Variants in SDHC observed in about 807,000 individuals in gnomAD.
SDHC encodes succinate dehydrogenase cytochrome b560 subunit, mitochondrial.
Under a neutral mutation model 22.6 loss-of-function variants are expected in SDHC, and 11 were observed. The observed-to-expected ratio is 0.49, with a 90% CI of 0.31 to 0.81. The LOEUF (loss-of-function observed/expected upper bound fraction) is 0.81, where lower values mean the gene tolerates loss of function less well. SDHC is among the 30% of genes least tolerant of loss of function. SDHC has a pLI of 0.05. For missense variants in SDHC, 160 were observed against 212.0 expected, an observed-to-expected ratio of 0.75 and a Z score of 1.52; for synonymous variants, 80 against 77.8, an observed-to-expected ratio of 1.03 and a Z score of -0.15.
At chr1:161,339,100 A>G (rs1003640241) in intron 3 of SDHC, among the ~76,000 whole-genome samples, 3 of 152,140 alleles carry the variant, frequency 2.0e-5, no homozygotes, top group Non-Finnish European at 2.9e-5. Context: ...CACCCGCCTC[A>G]GCCTCTTAAA....
At chr1:161,329,810 C>A (rs150383971) in intron 3 of SDHC, among the ~76,000 whole-genome samples, 11 of 152,316 alleles carry the variant, frequency 7.2e-5, no homozygotes, top group Admixed American at 7.2e-4. Context: ...CCTTTTCCAA[C>A]TTTTATAGGC....
intron 3 of SDHC, among the ~76,000 whole-genome samples, chr1:161,331,423 C>T (rs549840240): frequency 4.0e-5 from 6 of 151,794 alleles, no homozygotes; most frequent in South Asian, 4.2e-4. Flanking sequence ...CATGTCACCA[C>T]GCCCAGCTAA....
Position 161,363,161 on chromosome 1 carries a change from C to G in SDHC, c.*728C>G, listed in dbSNP as rs1008852378. 6.4e-5 allele frequency: 15 copies of G among 233,074 alleles called. No homozygotes were observed. The highest frequency in any genetic ancestry group is 1.2e-4 in the Non-Finnish European group (14 of 118,226). 14.4% of individuals were successfully genotyped at this position (233,074 alleles called of 1,614,324 possible). A position where few individuals can be genotyped will look rare whatever the true frequency, so the allele number is the denominator to read the frequency against. Reference sequence around the variant, plus strand: ...CATCGAAGTAATGTACCCTTTTTTTCTGAAACTGAATTAAATACTCATTTT... The same window carrying G: ...CATCGAAGTAATGTACCCTTTTTTTGTGAAACTGAATTAAATACTCATTTT... On this transcript the variant is annotated 3_prime_UTR_variant, in exon 6 of 6. Coordinates refer to ENST00000367975, the MANE Select transcript of SDHC (RefSeq NM_003001.5).
At chr1:161,338,718 A>G (rs1671588006) in intron 3 of SDHC, among the ~76,000 whole-genome samples, 2 of 152,360 alleles carry the variant, frequency 1.3e-5, no homozygotes, top group South Asian at 4.1e-4. Flanking sequence ...TTTGGGGCAT[A>G]TAATAAGGGA....
chr1:161,322,542 C>G (rs1670873261), intron 1 of SDHC, among the ~76,000 whole-genome samples: 1 of 151,290 alleles, frequency 6.6e-6, no homozygotes, highest in Non-Finnish European at 1.5e-5. Flanking sequence ...CCCTTGTACT[C>G]TTAAACCTTT....
At chr1:161,323,411 C>T (rs778741105) in intron 1 of SDHC, among the ~76,000 whole-genome samples, 1 of 152,186 alleles carries the variant, frequency 6.6e-6, no homozygotes, top group Non-Finnish European at 1.5e-5. Context: ...CTCTATTTTG[C>T]ATTTTTAGGT....
At chr1:161,339,262 A>G (rs1671613843) in intron 3 of SDHC, among the ~76,000 whole-genome samples, 1 of 152,008 alleles carries the variant, frequency 6.6e-6, no homozygotes. Flanking sequence ...AGCTCACTGC[A>G]GTCTGGAGTT....
At chr1:161,316,194 C>G (rs901003106) in intron 1 of SDHC, among the ~76,000 whole-genome samples, 4 of 152,042 alleles carry the variant, frequency 2.6e-5, no homozygotes, top group African/African-American at 9.7e-5. Flanking sequence ...AAGAGGCGTT[C>G]CTTCCTCTTT....
chr1:161,344,377 T>C (rs1671824229), intron 4 of SDHC, among the ~76,000 whole-genome samples: 1 of 151,502 alleles, frequency 6.6e-6, no homozygotes, highest in South Asian at 2.1e-4. Flanking sequence ...TAGGGAGGAT[T>C]GCCCAGGAAT....
intron 4 of SDHC, 59 bp downstream of exon 4, chr1:161,340,714 A>T: frequency 1.5e-6 from 2 of 1,369,322 alleles, no homozygotes; most frequent in Non-Finnish European, 2.1e-6. Flanking sequence ...TGGCTGTTTC[A>T]TTGGCCCTAG....
At chr1:161,347,356 GAA>G (rs1215123686) in intron 4 of SDHC, among the ~76,000 whole-genome samples, 2 of 152,040 alleles carry the variant, frequency 1.3e-5, no homozygotes, top group African/African-American at 4.8e-5. Context: ...CCAGGTTAGA[GAA>G]ATTTTCTTCC....
intron 5 of SDHC, among the ~76,000 whole-genome samples, chr1:161,361,188 C>A (rs1672495609): frequency 6.6e-6 from 1 of 151,846 alleles, no homozygotes. Context: ...TATAATGAGA[C>A]CCCGTTCTCC....
chr1:161,353,476 A>G (rs185917908), intron 4 of SDHC, among the ~76,000 whole-genome samples: 47 of 152,304 alleles, frequency 3.1e-4, no homozygotes, highest in African/African-American at 1.1e-3. Flanking sequence ...TCATCTATCC[A>G]GAGTGTCAAA....
chr1:161,335,135 G>A (rs964738159), intron 3 of SDHC, among the ~76,000 whole-genome samples: 1 of 152,104 alleles, frequency 6.6e-6, no homozygotes, highest in South Asian at 2.1e-4. Context: ...ATTTGGGTTT[G>A]TTTGGTGTTT....
chr1:161,332,365 G>A (rs149627006), intron 3 of SDHC, among the ~76,000 whole-genome samples: 1 of 152,274 alleles, frequency 6.6e-6, no homozygotes, highest in Admixed American at 6.5e-5. Flanking sequence ...TGCCACTTCA[G>A]TAGATTCTGC....
chr1:161,359,742 C>T (rs1205222684), intron 5 of SDHC, among the ~76,000 whole-genome samples: 1 of 152,008 alleles, frequency 6.6e-6, no homozygotes, highest in Non-Finnish European at 1.5e-5. Context: ...GAGTGTGGGA[C>T]AGGATTTTGT....
At chr1:161,350,805 A>G (rs1447573050) in intron 4 of SDHC, among the ~76,000 whole-genome samples, 1 of 152,180 alleles carries the variant, frequency 6.6e-6, no homozygotes, top group Non-Finnish European at 1.5e-5. Flanking sequence ...GAACATACAT[A>G]CTTCCCCTTT....
intron 3 of SDHC, among the ~76,000 whole-genome samples, chr1:161,330,446 T>TTGAA (rs1671231433): frequency 6.6e-6 from 1 of 152,230 alleles, no homozygotes; most frequent in Non-Finnish European, 1.5e-5. Context: ...CTAACCAGGT[T>TTGAA]TGAAATTCAG....
intron 3 of SDHC, among the ~76,000 whole-genome samples, chr1:161,336,954 C>G (rs1190428517): frequency 6.6e-6 from 1 of 151,914 alleles, no homozygotes; most frequent in Non-Finnish European, 1.5e-5. Flanking sequence ...GCTGCAACCT[C>G]GACCTCCCGG....
Sources: allele counts gnomAD v4.1 joint callset (sites outside exome capture counted in the v4.1 genomes callset), GRCh38; gene constraint gnomAD v4.1.1; transcripts MANE v1.5; gene names NCBI Gene and HGNC (gene_info 2026-07-23, HGNC 2026-07-21).